The following ZCCHC7 variants were observed in gnomAD, a reference collection of about 807,000 sequenced individuals.
The protein encoded by ZCCHC7 is zinc finger CCHC-type containing 7.
In ZCCHC7, 35 loss-of-function variants were observed where a neutral mutation model predicts 52.0. That is an observed-to-expected ratio of 0.67 (90% CI 0.51 to 0.89). ZCCHC7 has a LOEUF of 0.89. Among genes scored for constraint, ZCCHC7 ranks in the 40% least tolerant of loss-of-function variants. The probability of loss-of-function intolerance (pLI) is 0.00; values close to 1 mark genes in which losing one functional copy is unlikely to be tolerated. For missense variants in ZCCHC7, 574 were observed against 649.1 expected (o/e 0.88, Z 1.26); for synonymous variants, 217 against 221.5 (o/e 0.98, Z 0.18).
intron 2 of ZCCHC7, among the ~76,000 whole-genome samples, chr9:37,227,028 CAAAAA>C (rs895936555): frequency 1.9e-4 from 18 of 92,670 alleles, no homozygotes; most frequent in Middle Eastern, 5.1e-3. Flanking sequence ...GACTCCGTCT[CAAAAA>C]AAAAAAAAAA....
chr9:37,229,890 C>CT, intron 2 of ZCCHC7, among the ~76,000 whole-genome samples: 1 of 152,224 alleles, frequency 6.6e-6, no homozygotes, highest in African/African-American at 2.4e-5. Context: ...TGTTTGTATC[C>CT]TTATTCTATA....
intron 5 of ZCCHC7, among the ~76,000 whole-genome samples, chr9:37,316,368 T>C (rs1829822731): frequency 1.3e-5 from 2 of 151,252 alleles, no homozygotes; most frequent in South Asian, 2.1e-4. Context: ...CCAAGAATCT[T>C]ATTCTTATAA....
chr9:37,208,722 G>T (rs964688968), intron 2 of ZCCHC7, among the ~76,000 whole-genome samples: 5 of 152,140 alleles, frequency 3.3e-5, no homozygotes, highest in Non-Finnish European at 4.4e-5. Context: ...CCATCACTTT[G>T]TTCCAATTCA....
At chr9:37,244,222 A>T (rs1335179358) in intron 2 of ZCCHC7, among the ~76,000 whole-genome samples, 1 of 150,186 alleles carries the variant, frequency 6.7e-6, no homozygotes, top group Non-Finnish European at 1.5e-5. Flanking sequence ...GTGAATTTTT[A>T]TTGTGCAGGA....
At chr9:37,130,867 T>C (rs1360171264) in intron 2 of ZCCHC7, among the ~76,000 whole-genome samples, 1 of 152,040 alleles carries the variant, frequency 6.6e-6, no homozygotes, top group Non-Finnish European at 1.5e-5. Flanking sequence ...TAAAACTTTG[T>C]TTAAAAAATA....
At chr9:37,221,114 A>C (rs1488035809) in intron 2 of ZCCHC7, among the ~76,000 whole-genome samples, 1 of 152,230 alleles carries the variant, frequency 6.6e-6, no homozygotes, top group Non-Finnish European at 1.5e-5. Flanking sequence ...GAGGCACATC[A>C]GTAGCACCCT....
At chr9:37,337,905 TAGAC>T (rs1312405896) in intron 6 of ZCCHC7, among the ~76,000 whole-genome samples, 1 of 152,174 alleles carries the variant, frequency 6.6e-6, no homozygotes, top group African/African-American at 2.4e-5. Flanking sequence ...AAAATTAAAA[TAGAC>T]GGAGGGATAG....
intron 2 of ZCCHC7, among the ~76,000 whole-genome samples, chr9:37,221,789 C>G (rs1219429806): frequency 6.6e-6 from 1 of 151,910 alleles, no homozygotes; most frequent in Non-Finnish European, 1.5e-5. Flanking sequence ...TAAAAATGAT[C>G]TTAGTGGATT....
At chr9:37,185,393 A>T (rs911572115) in intron 2 of ZCCHC7, among the ~76,000 whole-genome samples, 2 of 152,246 alleles carry the variant, frequency 1.3e-5, no homozygotes, top group African/African-American at 4.8e-5. Context: ...TTAAATAAAT[A>T]AGATGATGTA....
intron 2 of ZCCHC7, among the ~76,000 whole-genome samples, chr9:37,207,342 A>C (rs1478247486): frequency 1.3e-5 from 2 of 151,370 alleles, no homozygotes; most frequent in Non-Finnish European, 2.9e-5. Context: ...GTCAGTAGTC[A>C]TTTTTTTTCT....
chr9:37,283,037 AG>A (rs774991619), intron 2 of ZCCHC7, among the ~76,000 whole-genome samples: 3 of 152,150 alleles, frequency 2.0e-5, no homozygotes, highest in East Asian at 3.9e-4. Context: ...TCTTGGGTTG[AG>A]ACTTAGGATG....
chr9:37,182,287 A>G (rs1227229038), intron 2 of ZCCHC7, among the ~76,000 whole-genome samples: 2 of 152,112 alleles, frequency 1.3e-5, no homozygotes, highest in Non-Finnish European at 2.9e-5. Flanking sequence ...ACATTTATCT[A>G]TTAGCATTAT....
chr9:37,289,097 T>C (rs1251540965), intron 2 of ZCCHC7, among the ~76,000 whole-genome samples: 1 of 152,168 alleles, frequency 6.6e-6, no homozygotes, highest in Non-Finnish European at 1.5e-5. Flanking sequence ...ATTATCATTT[T>C]AGTTGCTGAG....
intron 6 of ZCCHC7, among the ~76,000 whole-genome samples, chr9:37,333,398 C>CT (rs1564260601): frequency 6.6e-6 from 1 of 151,694 alleles, no homozygotes; most frequent in Non-Finnish European, 1.5e-5. Context: ...TAAATAGTGA[C>CT]TTCCTTTCTT....
chr9:37,349,303 A>C (rs1356167310), intron 6 of ZCCHC7, 54 bp from the exon 7 acceptor site: 5 of 1,566,394 alleles, frequency 3.2e-6, no homozygotes, highest in Non-Finnish European at 4.4e-6. Context: ...GGAAAGAATG[A>C]GGTTTTAATT....
At chr9:37,279,689 T>C (rs1431028018) in intron 2 of ZCCHC7, among the ~76,000 whole-genome samples, 2 of 149,680 alleles carry the variant, frequency 1.3e-5, no homozygotes, top group Non-Finnish European at 3.0e-5. Flanking sequence ...CAAGACCTTA[T>C]CTCTATAAAT....
chr9:37,129,382 A>G (rs1260503394), intron 2 of ZCCHC7, among the ~76,000 whole-genome samples: 2 of 152,192 alleles, frequency 1.3e-5, no homozygotes, highest in Non-Finnish European at 2.9e-5. Context: ...GACTCTTATA[A>G]ACTCTTACAA....
chr9:37,214,910 AAG>A (rs1221061678), intron 2 of ZCCHC7, among the ~76,000 whole-genome samples: 2 of 152,098 alleles, frequency 1.3e-5, no homozygotes, highest in Admixed American at 1.3e-4. Context: ...CAGTTGAAGA[AAG>A]AGATATTTCT....
intron 2 of ZCCHC7, among the ~76,000 whole-genome samples, chr9:37,170,491 A>G (rs1446863629): frequency 6.6e-6 from 1 of 152,228 alleles, no homozygotes; most frequent in Non-Finnish European, 1.5e-5. Context: ...CTAAGACAGG[A>G]TCAGCCAAAA....
Sources: gnomAD v4.1 joint callset for allele counts (sites outside exome capture counted in the v4.1 genomes callset) on GRCh38, gnomAD v4.1.1 for gene constraint, MANE v1.5 for transcripts, NCBI Gene and HGNC (gene_info 2026-07-23, HGNC 2026-07-21) for gene names.